FIG4: variants seen among roughly 807,000 people sequenced by gnomAD.
The protein encoded by FIG4 is polyphosphoinositide phosphatase.
Under a neutral mutation model 118.6 loss-of-function variants are expected in FIG4, and 112 were observed. The observed-to-expected ratio is 0.94, with a 90% CI of 0.81 to 1.11. The LOEUF (loss-of-function observed/expected upper bound fraction) is 1.11, where lower values mean the gene tolerates loss of function less well. FIG4 is among the 50% of genes least tolerant of loss of function. The pLI, the probability that FIG4 is intolerant of heterozygous loss-of-function variation, is 0.00. For missense variants in FIG4, 969 were observed against 1,111.7 expected (o/e 0.87, Z 1.83); for synonymous variants, 369 against 381.2 (o/e 0.97, Z 0.37).
chr6:109,815,495 G>GCCCCCCCCCCCCCCCCCCC (rs112617514), intron 22 of FIG4, among the ~76,000 whole-genome samples: 8 of 89,152 alleles, frequency 9.0e-5, no homozygotes, highest in African/African-American at 2.1e-4. Flanking sequence ...ACTCCAGGCT[G>GCCCCCCCCCCCCCCCCCCC]CCCCCCCCAC....
At chr6:109,803,705 G>A (rs1370566784) in intron 22 of FIG4, among the ~76,000 whole-genome samples, 1 of 151,612 alleles carries the variant, frequency 6.6e-6, no homozygotes, top group Non-Finnish European at 1.5e-5. Flanking sequence ...TGCCATGTTG[G>A]TGTGCTGCAC....
intron 8 of FIG4, among the ~76,000 whole-genome samples, chr6:109,742,309 A>G (rs892728193): frequency 2.0e-5 from 3 of 152,020 alleles, no homozygotes; most frequent in Non-Finnish European, 2.9e-5. Flanking sequence ...TTTTTTGCCC[A>G]TACTCCTTTT....
At chr6:109,780,732 A>G (rs1277231691) in intron 16 of FIG4, among the ~76,000 whole-genome samples, 4 of 152,206 alleles carry the variant, frequency 2.6e-5, no homozygotes, top group Non-Finnish European at 5.9e-5. Context: ...ATGGCGTGGC[A>G]TATCTATGCC....
intron 15 of FIG4, among the ~76,000 whole-genome samples, chr6:109,770,585 T>C (rs1423663569): frequency 6.6e-6 from 1 of 152,212 alleles, no homozygotes; most frequent in Admixed American, 6.5e-5. Context: ...TTTTGCAGGT[T>C]GTACAGGAAA....
At chr6:109,777,669 C>T (rs1393873160) in intron 16 of FIG4, among the ~76,000 whole-genome samples, 3 of 152,298 alleles carry the variant, frequency 2.0e-5, no homozygotes, top group East Asian at 1.9e-4. Context: ...TACTAGCTAG[C>T]GTCAGATAAC....
At chr6:109,747,435 G>A (rs140262784) in intron 10 of FIG4, among the ~76,000 whole-genome samples, 4 of 152,216 alleles carry the variant, frequency 2.6e-5, no homozygotes, top group African/African-American at 9.6e-5. Context: ...AGGAGAAAGC[G>A]TGTTTCACAA....
intron 10 of FIG4, among the ~76,000 whole-genome samples, chr6:109,749,805 T>G (rs1776635491): frequency 6.6e-6 from 1 of 152,142 alleles, no homozygotes. Flanking sequence ...TTTTGAATAT[T>G]TAAAGGTCAG....
intron 22 of FIG4, among the ~76,000 whole-genome samples, chr6:109,808,835 T>A (rs913744659): frequency 2.6e-5 from 4 of 152,220 alleles, no homozygotes; most frequent in African/African-American, 9.6e-5. Flanking sequence ...CCGTGAACAA[T>A]ACTTAAGATT....
At chr6:109,772,414 A>G (rs763496706) in intron 15 of FIG4, among the ~76,000 whole-genome samples, 4 of 152,136 alleles carry the variant, frequency 2.6e-5, no homozygotes, top group Non-Finnish European at 5.9e-5. Context: ...TCATTTATCT[A>G]AATGTCTACC....
chr6:109,707,281 A>G (rs1407343), intron 1 of FIG4, among the ~76,000 whole-genome samples: 12,224 of 146,064 alleles, frequency 0.084, 812 homozygotes, highest in African/African-American at 0.18. Context: ...GTGTGTGTGT[A>G]TATATATATA....
chr6:109,815,254 G>A (rs1001961680), intron 22 of FIG4, among the ~76,000 whole-genome samples: 5 of 151,886 alleles, frequency 3.3e-5, no homozygotes, highest in Admixed American at 6.6e-5. Flanking sequence ...TTCAGGCTCT[G>A]ACTCCACTCA....
At chr6:109,713,525 A>G (rs1418559254) in intron 1 of FIG4, among the ~76,000 whole-genome samples, 1 of 152,136 alleles carries the variant, frequency 6.6e-6, no homozygotes, top group Non-Finnish European at 1.5e-5. Context: ...AGGACGGGGC[A>G]GGCTGGCTCT....
At position 109,703,830 on chromosome 6, in the gene FIG4, G is replaced by C. The variant is rs183968194; in HGVS notation, c.67-11248G>C. Reference sequence around the variant, plus strand: ...TTCCCAGATGATCTTTCTTTGCTTTGACGAGTCCACCTCGTGCTGGGGTTT... The same window carrying C: ...TTCCCAGATGATCTTTCTTTGCTTTCACGAGTCCACCTCGTGCTGGGGTTT... On this transcript the variant is annotated intron_variant, in intron 1 of 22. Transcript: ENST00000230124. Among the ~76,000 whole-genome samples the C allele has an allele frequency of 7.9e-5, 12 of 152,254 alleles. No individual in the cohort carries two copies. The East Asian group carries it at 2.3e-3, about 29-fold the overall frequency.
At chr6:109,779,700 T>TA (rs1777737369) in intron 16 of FIG4, among the ~76,000 whole-genome samples, 1 of 152,170 alleles carries the variant, frequency 6.6e-6, no homozygotes, top group Admixed American at 6.5e-5. Context: ...AGTGGGTTTT[T>TA]AAAAAAACTT....
intron 22 of FIG4, among the ~76,000 whole-genome samples, chr6:109,798,887 A>C (rs984366787): frequency 4.6e-5 from 7 of 151,980 alleles, no homozygotes; most frequent in African/African-American, 1.7e-4. Context: ...ACTATTTAGC[A>C]TATGGAACTA....
At chr6:109,748,680 T>A (rs1329638486) in intron 10 of FIG4, among the ~76,000 whole-genome samples, 2 of 152,084 alleles carry the variant, frequency 1.3e-5, no homozygotes, top group African/African-American at 4.8e-5. Context: ...AAAAGAGGTT[T>A]AATGGACTCA....
chr6:109,719,683 C>T (rs891408820), intron 3 of FIG4, among the ~76,000 whole-genome samples: 24 of 152,140 alleles, frequency 1.6e-4, no homozygotes, highest in African/African-American at 4.3e-4. Context: ...CATAAGCCAC[C>T]GTGCTCAGCC....
chr6:109,813,569 G>A (rs1399857529), intron 22 of FIG4, among the ~76,000 whole-genome samples: 3 of 152,208 alleles, frequency 2.0e-5, no homozygotes, highest in Non-Finnish European at 4.4e-5. Flanking sequence ...AATAGGCATT[G>A]ATTTGGGTTT....
intron 2 of FIG4, among the ~76,000 whole-genome samples, chr6:109,715,389 G>A (rs1028728778): frequency 2.0e-5 from 3 of 151,944 alleles, no homozygotes; most frequent in Non-Finnish European, 2.9e-5. Context: ...TTTGCCCCTC[G>A]TTTTGACTTG....
Sources: allele counts gnomAD v4.1 joint callset (sites outside exome capture counted in the v4.1 genomes callset), GRCh38; gene constraint gnomAD v4.1.1; transcripts MANE v1.5; gene names NCBI Gene and HGNC (gene_info 2026-07-23, HGNC 2026-07-21).